NRXN3: variants seen among roughly 807,000 people sequenced by gnomAD.
NRXN3 encodes the protein neurexin 3.
Under a neutral mutation model 137.6 loss-of-function variants are expected in NRXN3, and 32 were observed. The ratio of observed to expected loss-of-function variants is 0.23; its 90% confidence interval spans 0.18 to 0.31. The LOEUF (loss-of-function observed/expected upper bound fraction) is 0.31, where lower values mean the gene tolerates loss of function less well. Ranked by LOEUF, NRXN3 falls within the 10% of genes least tolerant of loss-of-function variation. The pLI, the probability that NRXN3 is intolerant of heterozygous loss-of-function variation, is 1.00. For synonymous variants in NRXN3, 798 were observed against 784.5 expected, an observed-to-expected ratio of 1.02 and a Z score of -0.29; for missense variants, 1,574 against 2,062.5, an observed-to-expected ratio of 0.76 and a Z score of 4.59.
At chr14:78,789,159 T>TG in intron 8 of NRXN3, among the ~76,000 whole-genome samples, 1 of 152,294 alleles carries the variant, frequency 6.6e-6, no homozygotes, top group Non-Finnish European at 1.5e-5. Context: ...CACTTGGTCT[T>TG]CCCTGAATCA....
At chr14:78,613,578 G>GTTTTTTTTTTTT (rs57745190) in intron 4 of NRXN3, among the ~76,000 whole-genome samples, 1 of 95,124 alleles carries the variant, frequency 1.1e-5, no homozygotes, top group African/African-American at 4.6e-5. Flanking sequence ...CACAACCATA[G>GTTTTTTTTTTTT]TTTTTTTTTT....
At chr14:78,176,382 T>A (rs2059271030) in intron 1 of NRXN3, among the ~76,000 whole-genome samples, 1 of 149,410 alleles carries the variant, frequency 6.7e-6, no homozygotes, top group Non-Finnish European at 1.5e-5. Flanking sequence ...TTCCAAGTTT[T>A]TTTTTTTTTT....
intron 16 of NRXN3, among the ~76,000 whole-genome samples, chr14:79,519,114 A>G (rs2097029398): frequency 6.6e-6 from 1 of 152,162 alleles, no homozygotes; most frequent in Non-Finnish European, 1.5e-5. Context: ...CATCAATGGA[A>G]ATGAATAGGT....
intron 15 of NRXN3, among the ~76,000 whole-genome samples, chr14:79,109,647 C>G (rs1246163508): frequency 1.3e-5 from 2 of 152,138 alleles, no homozygotes; most frequent in Non-Finnish European, 2.9e-5. Flanking sequence ...GAATTTCTTT[C>G]TGTCTCTCTC....
chr14:79,046,732 A>G (rs186881774), intron 15 of NRXN3, among the ~76,000 whole-genome samples: 1 of 152,340 alleles, frequency 6.6e-6, no homozygotes, highest in Non-Finnish European at 1.5e-5. Flanking sequence ...ACCTGATAGT[A>G]TGTACTAAAG....
chr14:79,396,043 CAT>C (rs965640792), intron 15 of NRXN3, among the ~76,000 whole-genome samples: 1 of 152,050 alleles, frequency 6.6e-6, no homozygotes, highest in African/African-American at 2.4e-5. Flanking sequence ...TATATATACA[CAT>C]GTATGTATTA....
chr14:78,209,587 A>G (rs1360194838), intron 1 of NRXN3, among the ~76,000 whole-genome samples: 1 of 152,184 alleles, frequency 6.6e-6, no homozygotes, highest in Non-Finnish European at 1.5e-5. Flanking sequence ...AGAGAGAGCT[A>G]GCAAGAGCAG....
intron 4 of NRXN3, among the ~76,000 whole-genome samples, chr14:78,616,243 G>A (rs572803276): frequency 1.3e-5 from 2 of 152,142 alleles, no homozygotes; most frequent in Non-Finnish European, 2.9e-5. Context: ...GGTTTGCAAA[G>A]CCCAGCAGGT....
intron 20 of NRXN3, among the ~76,000 whole-genome samples, chr14:79,812,657 C>CA (rs1812037413): frequency 6.6e-6 from 1 of 152,084 alleles, no homozygotes; most frequent in Admixed American, 6.5e-5. Flanking sequence ...AGTAAAAAAG[C>CA]AACACTCTTT....
At position 79,233,308 on chromosome 14, in the gene NRXN3, T is replaced by A. The variant is rs550580893; in HGVS notation, c.3263-233913T>A. 2.0e-5 allele frequency among the ~76,000 whole-genome samples: 3 copies of A among 152,306 alleles called. No individual in the cohort carries two copies. In the East Asian group the frequency reaches 5.8e-4, roughly 29 times the overall value. On this transcript the variant is annotated intron_variant, in intron 15 of 20. Coordinates refer to ENST00000335750, the MANE Select transcript of NRXN3 (RefSeq NM_001330195.2). ...CAACAAACATGTGGTGGGAGTCAAC[T>A]GTGCGCAACGTGCTGAATATGAAAA...
intron 16 of NRXN3, among the ~76,000 whole-genome samples, chr14:79,624,662 A>G (rs1427607806): frequency 1.3e-5 from 2 of 152,028 alleles, no homozygotes; most frequent in Middle Eastern, 3.4e-3. Flanking sequence ...CCTTTAACCT[A>G]TATCTCCCCA....
chr14:78,884,126 C>T (rs555992967), intron 10 of NRXN3, among the ~76,000 whole-genome samples: 4 of 152,234 alleles, frequency 2.6e-5, no homozygotes, highest in African/African-American at 9.6e-5. Context: ...AAGTTCTTCT[C>T]CTAATGGTTT....
At chr14:78,474,680 A>C (rs1356423935) in intron 4 of NRXN3, among the ~76,000 whole-genome samples, 1 of 152,234 alleles carries the variant, frequency 6.6e-6, no homozygotes, top group Non-Finnish European at 1.5e-5. Context: ...TGCATACCAT[A>C]TTAGTTCAAG....
chr14:79,779,200 A>G (rs1253331411), intron 19 of NRXN3, among the ~76,000 whole-genome samples: 1 of 152,004 alleles, frequency 6.6e-6, no homozygotes, highest in African/African-American at 2.4e-5. Flanking sequence ...CGCAACCTCT[A>G]CCTCCTGGGT....
intron 16 of NRXN3, among the ~76,000 whole-genome samples, chr14:79,623,523 T>C (rs886901153): frequency 6.6e-6 from 1 of 152,342 alleles, no homozygotes; most frequent in Non-Finnish European, 1.5e-5. Flanking sequence ...CTACATGCAA[T>C]TGAATATGAG....
chr14:78,867,449 G>A (rs75661160), intron 10 of NRXN3, among the ~76,000 whole-genome samples: 7,743 of 152,220 alleles, frequency 0.051, 671 homozygotes, highest in African/African-American at 0.18. Context: ...CACAGCAATT[G>A]TTTAATTTTA....
intron 16 of NRXN3, among the ~76,000 whole-genome samples, chr14:79,487,414 A>G (rs1276322197): frequency 6.6e-6 from 1 of 152,152 alleles, no homozygotes; most frequent in Non-Finnish European, 1.5e-5. Flanking sequence ...ACCGAGGCCC[A>G]TGTTTAGGGC....
chr14:79,255,946 A>AAATTTTAGTTAT (rs2076512814), intron 15 of NRXN3, among the ~76,000 whole-genome samples: 1 of 152,196 alleles, frequency 6.6e-6, no homozygotes, highest in Non-Finnish European at 1.5e-5. Flanking sequence ...TTGCCATGGG[A>AAATTTTAGTTAT]GGCTGGGAAC....
intron 15 of NRXN3, among the ~76,000 whole-genome samples, chr14:79,379,375 C>A (rs1382479421): frequency 6.6e-6 from 1 of 152,058 alleles, no homozygotes; most frequent in African/African-American, 2.4e-5. Flanking sequence ...AGGTACATTC[C>A]GTAAAGTGTT....
Sources: gnomAD v4.1 joint callset for allele counts (sites outside exome capture counted in the v4.1 genomes callset) on GRCh38, gnomAD v4.1.1 for gene constraint, MANE v1.5 for transcripts, NCBI Gene and HGNC (gene_info 2026-07-23, HGNC 2026-07-21) for gene names.